Variants in GNG7 observed in about 807,000 individuals in gnomAD.
GNG7 encodes the protein G protein subunit gamma 7.
A neutral mutation model predicts 4.0 loss-of-function variants in GNG7; 1 was observed. The observed-to-expected ratio is 0.25, with a 90% CI of 0.09 to 1.18. The LOEUF (loss-of-function observed/expected upper bound fraction) is 1.18, where lower values mean the gene tolerates loss of function less well. Ranked by LOEUF, GNG7 falls within the 50% of genes most tolerant of loss-of-function variation. The pLI is 0.50. For synonymous variants in GNG7, 34 were observed against 36.9 expected (o/e 0.92, Z 0.29); for missense variants, 86 against 91.9 (o/e 0.94, Z 0.26).
chr19:2,519,173 T>TA lies in GNG7; in HGVS notation c.81+1434dup, dbSNP rs1978295782. On this transcript the variant is annotated intron_variant, in intron 4 of 4. Coordinates refer to ENST00000382159, the MANE Select transcript of GNG7 (RefSeq NM_052847.3). Reference sequence around the variant, plus strand: ...TTTTTTTTTTTTTTTTTTTTTGAGATAGAGTCTCGCTCTGTTCCCCAGGCT... The same window carrying TA: ...TTTTTTTTTTTTTTTTTTTTTGAGATAAGAGTCTCGCTCTGTTCCCCAGGCT... Among the ~76,000 whole-genome samples the TA allele has an allele frequency of 4.9e-5, 6 of 123,166 alleles. No homozygotes were observed. The Admixed American group carries it at 5.4e-4, about 11-fold the overall frequency. 80.8% of individuals were successfully genotyped at this position (123,166 alleles called of 152,430 possible).
intron 2 of GNG7, among the ~76,000 whole-genome samples, chr19:2,594,391 GAA>G (rs1213971800): frequency 8.1e-5 from 11 of 135,156 alleles, no homozygotes; most frequent in Non-Finnish European, 1.4e-4. Context: ...AAGAAAGAAG[GAA>G]AGAAAGAAGG....
Position 2,586,984 on chromosome 19 carries a change from CAAAAAAAAAAA to C in GNG7, c.-77-31807_-77-31797del, listed in dbSNP as rs756891397. Among the ~76,000 whole-genome samples, 32 of 48,734 alleles carry C rather than the reference CAAAAAAAAAAA, an allele frequency of 6.6e-4. No individual in the cohort carries two copies. The South Asian group carries it at 0.026, about 40-fold the overall frequency. The allele number at this position is 48,734 out of a possible 152,430, so 32.0% of individuals were successfully genotyped here. A position where few individuals can be genotyped will look rare whatever the true frequency, so the allele number is the denominator to read the frequency against. On this transcript the variant is annotated intron_variant, in intron 2 of 4. Transcript: ENST00000382159. ...TGGGTGACAGAGCGGGACTCCATCT[CAAAAAAAAAAA>C]AAAAAAAAAAAAAAGAATGTCACCT... is the stretch of plus-strand genomic sequence containing the variant.
chr19:2,638,055 A>G (rs1345221834), intron 2 of GNG7, among the ~76,000 whole-genome samples: 1 of 152,060 alleles, frequency 6.6e-6, no homozygotes, highest in South Asian at 2.1e-4. Flanking sequence ...GTGAGCAGGG[A>G]CTGAAGTCAG....
chr19:2,676,859 G>A (rs546970604), intron 1 of GNG7, among the ~76,000 whole-genome samples: 1 of 152,174 alleles, frequency 6.6e-6, no homozygotes, highest in African/African-American at 2.4e-5. Context: ...GTGTGGCAGA[G>A]AGAAGCTGTT....
intron 2 of GNG7, among the ~76,000 whole-genome samples, chr19:2,645,227 TTC>T (rs1226861691): frequency 7.3e-5 from 10 of 137,496 alleles, no homozygotes; most frequent in African/African-American, 2.5e-4. Context: ...TTTCTTTCTT[TTC>T]TCTCTCTCTC....
chr19:2,621,236 T>C (rs1981859939), intron 2 of GNG7, among the ~76,000 whole-genome samples: 1 of 152,170 alleles, frequency 6.6e-6, no homozygotes, highest in African/African-American at 2.4e-5. Context: ...TTAAAACTTA[T>C]GTTGAAGCTG....
At chr19:2,615,224 C>T (rs548027013) in intron 2 of GNG7, among the ~76,000 whole-genome samples, 7 of 151,438 alleles carry the variant, frequency 4.6e-5, no homozygotes, top group South Asian at 4.2e-4. Flanking sequence ...TGCAGTGGCG[C>T]GATCTCGGCT....
At chr19:2,676,790 A>G (rs1983604286) in intron 1 of GNG7, among the ~76,000 whole-genome samples, 2 of 135,476 alleles carry the variant, frequency 1.5e-5, no homozygotes, top group African/African-American at 6.2e-5. Context: ...CACTTCCTAG[A>G]CCCGGCTGGA....
intron 1 of GNG7, among the ~76,000 whole-genome samples, chr19:2,696,296 A>AAG (rs1913249470): frequency 1.6e-5 from 1 of 61,288 alleles, no homozygotes; most frequent in Non-Finnish European, 3.6e-5. Context: ...GAGAGAGAGA[A>AAG]AGAAAGAAAG....
At chr19:2,638,551 G>C (rs1406639785) in intron 2 of GNG7, among the ~76,000 whole-genome samples, 2 of 106,140 alleles carry the variant, frequency 1.9e-5, no homozygotes, top group Non-Finnish European at 4.0e-5. Context: ...GAGAAGGGAA[G>C]GGGGAGGGGA....
At chr19:2,662,191 C>T (rs981596626) in intron 1 of GNG7, among the ~76,000 whole-genome samples, 8 of 140,900 alleles carry the variant, frequency 5.7e-5, no homozygotes, top group African/African-American at 7.9e-5. Flanking sequence ...ACCTGGGGGG[C>T]GGAGGCTGCA....
chr19:2,661,298 GAAAGAGAAAGAAAGAAAGAA>G (rs1279400906), intron 1 of GNG7, among the ~76,000 whole-genome samples: 458 of 35,832 alleles, frequency 0.013, 1 homozygote, highest in African/African-American at 0.055. Flanking sequence ...AAGAAAGAAA[GAAAGAGAAAGAAAGAAAGAA>G]AGAAAGAAAG....
At position 2,513,643 on chromosome 19, in the gene GNG7, C is replaced by G. The variant is rs1267043765; in HGVS notation, c.*1379G>C. 1 of 883,320 alleles carries G rather than the reference C, an allele frequency of 1.1e-6. No homozygotes were observed. Among genetic ancestry groups the G allele is most frequent in the Non-Finnish European group, 1.4e-6 (1 of 736,842 alleles). The allele number at this position is 883,320 out of a possible 1,614,324, so 54.7% of individuals were successfully genotyped here. On this transcript the variant is annotated 3_prime_UTR_variant, in exon 5 of 5. Transcript: ENST00000382159. Reference sequence around the variant, plus strand: ...CACGGGGGTGGAAAAGCAAAAAGATCGGGTTCGAGCGACAGGGTAACGTTT... The same window carrying G: ...CACGGGGGTGGAAAAGCAAAAAGATGGGGTTCGAGCGACAGGGTAACGTTT...
intron 1 of GNG7, among the ~76,000 whole-genome samples, 154 bp downstream of exon 1, chr19:2,702,492 C>G (rs976571262): frequency 2.0e-5 from 3 of 150,964 alleles, no homozygotes; most frequent in Non-Finnish European, 4.4e-5. Flanking sequence ...ACCCCAGCCT[C>G]CAGTTGCAGC....
At chr19:2,686,916 T>C (rs1244301374) in intron 1 of GNG7, among the ~76,000 whole-genome samples, 1 of 151,896 alleles carries the variant, frequency 6.6e-6, no homozygotes, top group East Asian at 1.9e-4. Flanking sequence ...CACATCCAGC[T>C]AACTTTTTGT....
At chr19:2,533,843 C>G (rs1978663421) in intron 3 of GNG7, among the ~76,000 whole-genome samples, 1 of 152,032 alleles carries the variant, frequency 6.6e-6, no homozygotes, top group East Asian at 1.9e-4. Flanking sequence ...TAAGATAATT[C>G]TAAAATTCCA....
chr19:2,632,397 C>T (rs971820704), intron 2 of GNG7, among the ~76,000 whole-genome samples: 1 of 148,564 alleles, frequency 6.7e-6, no homozygotes, highest in African/African-American at 2.5e-5. Context: ...CTATTGCATT[C>T]TAGCCTGGGA....
chr19:2,577,361 T>C (rs1271978577), intron 2 of GNG7, among the ~76,000 whole-genome samples: 2 of 152,166 alleles, frequency 1.3e-5, no homozygotes, highest in African/African-American at 4.8e-5. Flanking sequence ...TTTGCCTCCC[T>C]GTGGTTGTAG....
chr19:2,594,470 T>A (rs1181051481), intron 2 of GNG7, among the ~76,000 whole-genome samples: 2 of 150,242 alleles, frequency 1.3e-5, no homozygotes, highest in African/African-American at 2.5e-5. Flanking sequence ...ACTGCAAATT[T>A]AAAAAATTAC....
Sources: gnomAD v4.1 joint callset for allele counts (sites outside exome capture counted in the v4.1 genomes callset) on GRCh38, gnomAD v4.1.1 for gene constraint, MANE v1.5 for transcripts, NCBI Gene and HGNC (gene_info 2026-07-23, HGNC 2026-07-21) for gene names.